PDE5A: variants seen among roughly 807,000 people sequenced by gnomAD.
PDE5A encodes cGMP-specific 3',5'-cyclic phosphodiesterase.
In PDE5A, 67 loss-of-function variants were observed where a neutral mutation model predicts 110.2. The ratio of observed to expected loss-of-function variants is 0.61; its 90% CI spans 0.50 to 0.75. PDE5A has a LOEUF of 0.75. Among genes scored for constraint, PDE5A ranks in the 30% least tolerant of loss-of-function variants. The pLI is 0.00. For missense variants in PDE5A, 862 were observed against 1,045.1 expected, an observed-to-expected ratio of 0.82 and a Z score of 2.42; for synonymous variants, 328 against 351.2, an observed-to-expected ratio of 0.93 and a Z score of 0.74.
chr4:119,541,433 T>C (rs2110486085), intron 10 of PDE5A, among the ~76,000 whole-genome samples: 1 of 152,014 alleles, frequency 6.6e-6, no homozygotes, highest in South Asian at 2.1e-4. Context: ...GAAATATATA[T>C]TTGTGTGTAT....
chr4:119,502,825 C>T (rs570102626), intron 18 of PDE5A, among the ~76,000 whole-genome samples, 170 bp from the exon 19 acceptor site: 1 of 152,312 alleles, frequency 6.6e-6, no homozygotes, highest in Admixed American at 6.5e-5. Flanking sequence ...GCTCTCTTAA[C>T]TATTACATTA....
chr4:119,519,305 G>C, intron 13 of PDE5A, 166 bp from the exon 14 acceptor site: 1 of 534,824 alleles, frequency 1.9e-6, no homozygotes, highest in Non-Finnish European at 3.3e-6. Context: ...CAGGGAATTA[G>C]TTGTCCTTTG....
chr4:119,587,191 T>A (rs573219582), intron 3 of PDE5A, among the ~76,000 whole-genome samples: 1 of 151,260 alleles, frequency 6.6e-6, no homozygotes, highest in South Asian at 2.1e-4. Context: ...AAGAATACTG[T>A]GGGGAATAAA....
intron 11 of PDE5A, among the ~76,000 whole-genome samples, chr4:119,538,604 A>G (rs899224946): frequency 6.6e-6 from 1 of 152,194 alleles, no homozygotes; most frequent in Non-Finnish European, 1.5e-5. Context: ...TCTTGATAAT[A>G]CAGAGTAGGT....
chr4:119,614,166 T>TAA lies in PDE5A; in HGVS notation c.153-6871_153-6870dup, dbSNP rs34918444. On this transcript the variant is annotated intron_variant, in intron 1 of 20. Coordinates refer to ENST00000354960, the MANE Select transcript of PDE5A (RefSeq NM_001083.4). Reference sequence around the variant, plus strand: ...CAAAGATTCTTAAGGATAGTGTCCATAAAAAAAAAATCTAACTAAATTCCA... The same window carrying TAA: ...CAAAGATTCTTAAGGATAGTGTCCATAAAAAAAAAAAATCTAACTAAATTCCA... Among the ~76,000 whole-genome samples, 5 of 148,922 alleles carry TAA rather than the reference T, an allele frequency of 3.4e-5. No homozygotes were observed. The East Asian group carries it at 5.9e-4, about 18-fold the overall frequency.
intron 9 of PDE5A, among the ~76,000 whole-genome samples, chr4:119,544,968 T>C (rs1727081903): frequency 6.6e-6 from 1 of 152,180 alleles, no homozygotes; most frequent in South Asian, 2.1e-4. Flanking sequence ...CATGTTATGA[T>C]CTACCATTAT....
At chr4:119,503,656 G>A (rs1725452004) in intron 18 of PDE5A, among the ~76,000 whole-genome samples, 1 of 152,080 alleles carries the variant, frequency 6.6e-6, no homozygotes, top group Non-Finnish European at 1.5e-5. Context: ...TAAAATGCTG[G>A]TTCAATGAGC....
chr4:119,591,750 C>T lies in PDE5A; in HGVS notation c.831+4773G>A, dbSNP rs142743749. Among the ~76,000 whole-genome samples, 302 of 152,178 alleles carry T rather than the reference C, an allele frequency of 2.0e-3. 5 individuals carry two copies. The highest frequency in any genetic ancestry group is 0.016 in the Admixed American group (238 of 15,290). On this transcript the variant is annotated intron_variant, in intron 3 of 20. Transcript: ENST00000354960. ...CTCTCTTCATTCTTTTCTCTGAAAA[C>T]GTTAATTCTCAGGAGAAATAATTTT...
chr4:119,595,108 T>C (rs1028715664), intron 3 of PDE5A, among the ~76,000 whole-genome samples: 1 of 152,120 alleles, frequency 6.6e-6, no homozygotes, highest in African/African-American at 2.4e-5. Context: ...TCATGGTGCA[T>C]GCAGGTAGCA....
intron 7 of PDE5A, among the ~76,000 whole-genome samples, chr4:119,554,463 G>A (rs139253608): frequency 1.6e-3 from 243 of 152,306 alleles, no homozygotes; most frequent in Non-Finnish European, 2.6e-3. Context: ...GGGGTACAGT[G>A]TCAGTGCAAG....
At chr4:119,603,737 C>G (rs1339997122) in intron 2 of PDE5A, among the ~76,000 whole-genome samples, 2 of 152,118 alleles carry the variant, frequency 1.3e-5, no homozygotes, top group African/African-American at 4.8e-5. Context: ...TTCTCAGCAT[C>G]AATCTGAGTA....
chr4:119,503,441 A>G (rs1725440940), intron 18 of PDE5A, among the ~76,000 whole-genome samples: 1 of 152,130 alleles, frequency 6.6e-6, no homozygotes, highest in South Asian at 2.1e-4. Flanking sequence ...GACATCTTAT[A>G]TCAATACTTC....
intron 13 of PDE5A, 32 bp downstream of exon 13, chr4:119,520,903 G>A (rs759229198): frequency 1.9e-6 from 3 of 1,579,742 alleles, no homozygotes; most frequent in Admixed American, 3.6e-5. Context: ...GCAACAAAAT[G>A]TATTAGATAT....
rs141680876 is a variant in PDE5A, at chr4:119,525,497, T to TAC, written c.1779+50_1779+51dup. On this transcript the variant is annotated intron_variant, in intron 12 of 20. Coordinates refer to ENST00000354960, the MANE Select transcript of PDE5A (RefSeq NM_001083.4). This position sits in a 1 kb window ranked among gnomAD's most constrained non-coding sequence, Gnocchi z 4.3. ...TTCAAAACCAATTCTCTCTCTTACA[T>TAC]ACACACACACATACACATAGACTTT... 0.033 allele frequency: 50,982 copies of TAC among 1,526,996 alleles called. 820 individuals are homozygous for TAC. Among genetic ancestry groups the TAC allele is most frequent in the South Asian group, 0.067 (5,415 of 80,558 alleles). 94.6% of individuals were successfully genotyped at this position (1,526,996 alleles called of 1,614,324 possible). A position where few individuals can be genotyped will look rare whatever the true frequency, so the allele number is the denominator to read the frequency against.
intron 11 of PDE5A, among the ~76,000 whole-genome samples, chr4:119,537,843 A>G (rs1726781180): frequency 6.6e-6 from 1 of 152,098 alleles, no homozygotes; most frequent in African/African-American, 2.4e-5. Context: ...TAAATGGTGG[A>G]AGAAATGAAT....
Position 119,563,178 on chromosome 4 carries a change from G to A in PDE5A, c.994-208C>T, listed in dbSNP as rs553771314. ...AGTTGTTAAGATCACAGCCTCTGAA[G>A]CCAGAGTAATCAGTTTTTAATCCTG... On this transcript the variant is annotated intron_variant, in intron 5 of 20. Coordinates refer to ENST00000354960, the MANE Select transcript of PDE5A (RefSeq NM_001083.4). Among the ~76,000 whole-genome samples the A allele has an allele frequency of 1.1e-3, 169 of 152,108 alleles. 1 individual carries two copies. Among genetic ancestry groups the A allele is most frequent in the Non-Finnish European group, 1.7e-3 (116 of 68,006 alleles).
chr4:119,593,582 G>C (rs1220384268), intron 3 of PDE5A, among the ~76,000 whole-genome samples: 1 of 152,202 alleles, frequency 6.6e-6, no homozygotes, highest in Non-Finnish European at 1.5e-5. Context: ...TGTGGGTTAA[G>C]GGAGGAGGAG....
chr4:119,602,705 T>C (rs762360118), intron 2 of PDE5A, among the ~76,000 whole-genome samples: 2 of 152,216 alleles, frequency 1.3e-5, no homozygotes, highest in Non-Finnish European at 2.9e-5. Context: ...TAGAAAAATA[T>C]ATTGATAAAT....
intron 11 of PDE5A, among the ~76,000 whole-genome samples, chr4:119,534,922 G>C (rs924902887): frequency 6.6e-6 from 1 of 152,140 alleles, no homozygotes; most frequent in Non-Finnish European, 1.5e-5. Context: ...GGAAAATTCT[G>C]GCCTAAGAAA....
Sources: allele counts gnomAD v4.1 joint callset (sites outside exome capture counted in the v4.1 genomes callset), GRCh38; gene constraint gnomAD v4.1.1; non-coding constraint Gnocchi (gnomAD v3.1); transcripts MANE v1.5; gene names NCBI Gene and HGNC (gene_info 2026-07-23, HGNC 2026-07-21).